The following RPRD1B variants were observed in gnomAD, a reference collection of about 807,000 sequenced individuals.
RPRD1B encodes the protein regulation of nuclear pre-mRNA domain-containing protein 1B.
Under a neutral mutation model 41.5 loss-of-function variants are expected in RPRD1B, and 11 were observed. That is an observed-to-expected ratio of 0.27 (90% confidence interval 0.17 to 0.44). The LOEUF (loss-of-function observed/expected upper bound fraction) is 0.44. Among genes scored for constraint, RPRD1B ranks in the 20% least tolerant of loss-of-function variants. RPRD1B has a pLI of 1.00. For missense variants in RPRD1B, 248 were observed against 389.9 expected (o/e 0.64, Z 3.06); for synonymous variants, 158 against 155.6 (o/e 1.02, Z -0.12).
At chr20:38,041,663 T>C (rs752845925) in intron 2 of RPRD1B, among the ~76,000 whole-genome samples, 38 of 152,208 alleles carry the variant, frequency 2.5e-4, no homozygotes, top group Non-Finnish European at 2.5e-4. Context: ...TGAGATTTAG[T>C]TCACAGTTGC....
Position 38,091,394 on chromosome 20 carries a change from A to G in RPRD1B, c.*1519A>G. Reference sequence around the variant, plus strand: ...AAGCTCTCCTGCTTGTCATGAAGTGAGAACAATGAAAAGTCATAGCAGATA... The same window carrying G: ...AAGCTCTCCTGCTTGTCATGAAGTGGGAACAATGAAAAGTCATAGCAGATA... On this transcript the variant is annotated 3_prime_UTR_variant, in exon 7 of 7. Coordinates refer to ENST00000373433, the MANE Select transcript of RPRD1B (RefSeq NM_021215.4). 8.1e-6 allele frequency: 8 copies of G among 985,446 alleles called. No homozygotes were observed. Among genetic ancestry groups the G allele is most frequent in the Non-Finnish European group, 9.6e-6 (8 of 829,886 alleles). 61.0% of individuals were successfully genotyped at this position (985,446 alleles called of 1,614,324 possible). A position where few individuals can be genotyped will look rare whatever the true frequency, so the allele number is the denominator to read the frequency against.
intron 6 of RPRD1B, among the ~76,000 whole-genome samples, chr20:38,088,979 A>T (rs547458151): frequency 3.3e-5 from 5 of 152,324 alleles, no homozygotes; most frequent in African/African-American, 9.6e-5. Context: ...AAAATGGTCC[A>T]CACAGACAAA....
At chr20:38,075,193 G>A (rs1284616345) in intron 6 of RPRD1B, among the ~76,000 whole-genome samples, 2 of 152,128 alleles carry the variant, frequency 1.3e-5, no homozygotes, top group Non-Finnish European at 2.9e-5. Context: ...TACATTTCAC[G>A]GTCTCTGCCA....
intron 3 of RPRD1B, among the ~76,000 whole-genome samples, chr20:38,055,736 C>T (rs925748154): frequency 1.3e-5 from 2 of 152,056 alleles, no homozygotes; most frequent in Non-Finnish European, 2.9e-5. Context: ...TATAAAATGT[C>T]GTGGGTGTTA....
At chr20:38,048,503 T>C in intron 3 of RPRD1B, 22 bp downstream of exon 3, 6 of 1,584,478 alleles carry the variant, frequency 3.8e-6, no homozygotes, top group Non-Finnish European at 5.2e-6. Context: ...ACCACATGTT[T>C]ACAGCTCTTG....
At chr20:38,057,144 A>G (rs919771577) in intron 3 of RPRD1B, among the ~76,000 whole-genome samples, 10 of 152,220 alleles carry the variant, frequency 6.6e-5, no homozygotes, top group African/African-American at 2.4e-4. Context: ...GTTTTCTGAA[A>G]TGATCCCTGG....
chr20:38,091,761 G>A lies in RPRD1B; in HGVS notation c.*1886G>A. 2 of 985,754 alleles carry A rather than the reference G, an allele frequency of 2.0e-6. No individual in the cohort carries two copies. The highest frequency in any genetic ancestry group is 2.4e-6 in the Non-Finnish European group (2 of 829,912). The allele number at this position is 985,754 out of a possible 1,614,324, so 61.1% of individuals were successfully genotyped here. A position where few individuals can be genotyped will look rare whatever the true frequency, so the allele number is the denominator to read the frequency against. Reference sequence around the variant, plus strand: ...ACAATCCAGCCAAAAGAGGATCGTAGATATTTGCTCTGATCAACTAGATGA... The same window carrying A: ...ACAATCCAGCCAAAAGAGGATCGTAAATATTTGCTCTGATCAACTAGATGA... On this transcript the variant is annotated 3_prime_UTR_variant, in exon 7 of 7. Transcript: ENST00000373433.
chr20:38,052,700 C>A (rs2074198331), intron 3 of RPRD1B, among the ~76,000 whole-genome samples: 3 of 147,030 alleles, frequency 2.0e-5, no homozygotes, highest in Non-Finnish European at 4.4e-5. Flanking sequence ...AAACCTGTAA[C>A]TGATTGCGAT....
At chr20:38,064,828 AC>A (rs1345661916) in intron 5 of RPRD1B, among the ~76,000 whole-genome samples, 1 of 152,154 alleles carries the variant, frequency 6.6e-6, no homozygotes, top group Non-Finnish European at 1.5e-5. Flanking sequence ...TACTAAAAAT[AC>A]AAAAAAATTA....
At chr20:38,045,586 G>A (rs1040246389) in intron 2 of RPRD1B, among the ~76,000 whole-genome samples, 1 of 152,140 alleles carries the variant, frequency 6.6e-6, no homozygotes, top group African/African-American at 2.4e-5. Flanking sequence ...GTTATAACAG[G>A]TTTGAGCATC....
chr20:38,058,699 CAT>C (rs1285010727), intron 4 of RPRD1B, among the ~76,000 whole-genome samples: 1 of 152,074 alleles, frequency 6.6e-6, no homozygotes, highest in African/African-American at 2.4e-5. Flanking sequence ...GATCAGTCAA[CAT>C]ATAATTTTTT....
At chr20:38,072,752 G>A (rs924498029) in intron 6 of RPRD1B, among the ~76,000 whole-genome samples, 38 of 151,304 alleles carry the variant, frequency 2.5e-4, no homozygotes, top group African/African-American at 8.5e-4. Context: ...TAAAGGCCCT[G>A]TCTAGGTTTT....
chr20:38,091,637 C>G lies in RPRD1B; in HGVS notation c.*1762C>G, dbSNP rs1046163017. 8 of 985,568 alleles carry G rather than the reference C, an allele frequency of 8.1e-6. No homozygotes were observed. Among genetic ancestry groups the G allele is most frequent in the African/African-American group, 5.2e-5 (3 of 57,212 alleles). 61.1% of individuals were successfully genotyped at this position (985,568 alleles called of 1,614,324 possible). A position where few individuals can be genotyped will look rare whatever the true frequency, so the allele number is the denominator to read the frequency against. On this transcript the variant is annotated 3_prime_UTR_variant, in exon 7 of 7. Transcript: ENST00000373433. ...CTGCTGCACTCCCCAACCTCTCCCC[C>G]ACCCCCCGTGGTGTGCTGCTTTCTA...
intron 2 of RPRD1B, among the ~76,000 whole-genome samples, chr20:38,044,154 C>G (rs371048214): frequency 1.3e-5 from 2 of 152,112 alleles, no homozygotes; most frequent in Admixed American, 1.3e-4. Flanking sequence ...ATGCAGTACC[C>G]GCAGCAGACT....
At chr20:38,036,774 G>C (rs7264860) in intron 1 of RPRD1B, among the ~76,000 whole-genome samples, 4,197 of 152,266 alleles carry the variant, frequency 0.028, 201 homozygotes, top group African/African-American at 0.097. Flanking sequence ...GTAGCCGCTT[G>C]GTATATGTGG....
Position 38,064,274 on chromosome 20 carries a change from A to C in RPRD1B, c.656-1807A>C, listed in dbSNP as rs1600417827. On this transcript the variant is annotated intron_variant, in intron 5 of 6. Coordinates refer to ENST00000373433, the MANE Select transcript of RPRD1B (RefSeq NM_021215.4). ...GTAGAGGTTCCTAATCTTTGGCATC[A>C]CACCCAATCTGGAATCCTTCAGCAG... Among the ~76,000 whole-genome samples, 3 of 152,290 alleles carry C rather than the reference A, an allele frequency of 2.0e-5. No homozygotes were observed. In the East Asian group the frequency reaches 5.8e-4, roughly 29 times the overall value.
chr20:38,060,439 C>T (rs2074285945), intron 5 of RPRD1B, among the ~76,000 whole-genome samples: 1 of 152,162 alleles, frequency 6.6e-6, no homozygotes, highest in African/African-American at 2.4e-5. Flanking sequence ...CCACCTATAT[C>T]CCCTCAAGTG....
At chr20:38,039,123 C>T (rs1374301804) in intron 1 of RPRD1B, among the ~76,000 whole-genome samples, 1 of 152,182 alleles carries the variant, frequency 6.6e-6, no homozygotes, top group Admixed American at 6.5e-5. Flanking sequence ...GTAACTCAGA[C>T]ATATTGCACG....
intron 5 of RPRD1B, among the ~76,000 whole-genome samples, chr20:38,064,985 CAAA>C (rs35993264): frequency 3.7e-5 from 4 of 109,320 alleles, no homozygotes; most frequent in Non-Finnish European, 2.0e-5. Flanking sequence ...GACACCATCT[CAAA>C]AAAAAAAAAA....
Sources: allele counts gnomAD v4.1 joint callset (sites outside exome capture counted in the v4.1 genomes callset), GRCh38; gene constraint gnomAD v4.1.1; transcripts MANE v1.5; gene names NCBI Gene and HGNC (gene_info 2026-07-23, HGNC 2026-07-21).